The following FBXL7 variants were observed in gnomAD, a reference collection of about 807,000 sequenced individuals.
FBXL7 encodes F-box and leucine rich repeat protein 7.
A neutral mutation model predicts 38.3 loss-of-function variants in FBXL7; 12 were observed. The observed-to-expected ratio is 0.31, with a 90% CI of 0.20 to 0.51. The LOEUF is 0.51. Among genes scored for constraint, FBXL7 ranks in the 20% least tolerant of loss-of-function variants. The probability of loss-of-function intolerance (pLI) is 0.98; values close to 1 mark genes in which losing one functional copy is unlikely to be tolerated. For synonymous variants in FBXL7, 297 were observed against 300.9 expected, an observed-to-expected ratio of 0.99 and a Z score of 0.13; for missense variants, 567 against 676.4, an observed-to-expected ratio of 0.84 and a Z score of 1.79.
chr5:15,787,624 G>A (rs1417844185), intron 2 of FBXL7, among the ~76,000 whole-genome samples: 1 of 152,186 alleles, frequency 6.6e-6, no homozygotes, highest in Non-Finnish European at 1.5e-5. Flanking sequence ...TCTGTTGTTA[G>A]CTTTAAATTA....
intron 1 of FBXL7, among the ~76,000 whole-genome samples, chr5:15,606,404 C>G (rs1740020110): frequency 2.6e-5 from 4 of 152,000 alleles, no homozygotes; most frequent in Admixed American, 2.6e-4. Context: ...ATTCTCCGCT[C>G]TATGTGTAGG....
chr5:15,769,512 A>T (rs1394838682), intron 2 of FBXL7, among the ~76,000 whole-genome samples: 1 of 152,250 alleles, frequency 6.6e-6, no homozygotes, highest in Non-Finnish European at 1.5e-5. Context: ...TGTTAAAGCA[A>T]ATCAGCAAGA....
At chr5:15,728,770 C>T (rs1458946686) in intron 2 of FBXL7, among the ~76,000 whole-genome samples, 1 of 152,100 alleles carries the variant, frequency 6.6e-6, no homozygotes, top group Non-Finnish European at 1.5e-5. Context: ...ATAATATGTC[C>T]TTGAACTACT....
intron 1 of FBXL7, among the ~76,000 whole-genome samples, chr5:15,521,198 C>T (rs552671394): frequency 9.2e-5 from 14 of 152,168 alleles, no homozygotes; most frequent in South Asian, 2.1e-4. Context: ...CAAGAGTTGT[C>T]GGGGGGTGAA....
intron 1 of FBXL7, among the ~76,000 whole-genome samples, chr5:15,585,374 A>G (rs1348722365): frequency 6.6e-6 from 1 of 152,250 alleles, no homozygotes; most frequent in Non-Finnish European, 1.5e-5. Context: ...AATAAGAGTC[A>G]TGTTTGTTCC....
intron 2 of FBXL7, among the ~76,000 whole-genome samples, chr5:15,742,363 TTGAC>T (rs1241048611): frequency 6.6e-6 from 1 of 152,176 alleles, no homozygotes; most frequent in Non-Finnish European, 1.5e-5. Context: ...ATTAGGGAAT[TTGAC>T]TGATGAAATA....
chr5:15,912,836 G>T (rs1741474018), intron 2 of FBXL7, among the ~76,000 whole-genome samples: 1 of 152,046 alleles, frequency 6.6e-6, no homozygotes, highest in African/African-American at 2.4e-5. Context: ...CTAGAAAGGG[G>T]CTCTGGGGTC....
intron 2 of FBXL7, among the ~76,000 whole-genome samples, chr5:15,792,761 C>A (rs1396954437): frequency 6.6e-6 from 1 of 152,158 alleles, no homozygotes; most frequent in Non-Finnish European, 1.5e-5. Flanking sequence ...TGAGACTGTC[C>A]TTGGTGCCTG....
intron 1 of FBXL7, among the ~76,000 whole-genome samples, chr5:15,514,972 G>C (rs890845232): frequency 6.6e-6 from 1 of 152,162 alleles, no homozygotes; most frequent in African/African-American, 2.4e-5. Flanking sequence ...CCTTCTCTCT[G>C]TCCAGTTTGC....
chr5:15,539,287 T>G (rs769557986), intron 1 of FBXL7, among the ~76,000 whole-genome samples: 11 of 152,182 alleles, frequency 7.2e-5, no homozygotes, highest in Non-Finnish European at 1.6e-4. Context: ...GGATTCATAG[T>G]TAAATGGCAC....
chr5:15,677,897 A>G (rs952567668), intron 2 of FBXL7, among the ~76,000 whole-genome samples: 2 of 152,122 alleles, frequency 1.3e-5, no homozygotes, highest in Non-Finnish European at 2.9e-5. Flanking sequence ...CTATAGCTTC[A>G]TGTCCTAAAA....
chr5:15,849,741 T>A (rs1739035995), intron 2 of FBXL7, among the ~76,000 whole-genome samples: 2 of 152,300 alleles, frequency 1.3e-5, no homozygotes, highest in African/African-American at 4.8e-5. Flanking sequence ...AAATGCAAAT[T>A]TTCATGTTTG....
In FBXL7 at chr5:15,841,811, G is replaced by T. The variant is rs1738753061; in HGVS notation, c.128-86079G>T. The stretch of plus-strand genomic sequence containing the variant: ...AGGAGGCAAGCCCCAAGCCTTTGCA[G>T]CTTCCACATGGTGTTGGTCCTGCAG... On this transcript the variant is annotated intron_variant, in intron 2 of 3. Transcript: ENST00000504595. 2.6e-5 allele frequency among the ~76,000 whole-genome samples: 4 copies of T among 152,206 alleles called. No individual in the cohort carries two copies. The South Asian group carries it at 8.3e-4, about 31-fold the overall frequency.
At chr5:15,764,913 A>G (rs1322108597) in intron 2 of FBXL7, among the ~76,000 whole-genome samples, 1 of 152,276 alleles carries the variant, frequency 6.6e-6, no homozygotes, top group Non-Finnish European at 1.5e-5. Flanking sequence ...GCCAAGAGGC[A>G]AATTGCAAAT....
chr5:15,777,718 G>C (rs1255998829), intron 2 of FBXL7, among the ~76,000 whole-genome samples: 1 of 67,224 alleles, frequency 1.5e-5, no homozygotes, highest in Admixed American at 1.7e-4. Flanking sequence ...CCCCTATTCT[G>C]GTAAAAAAAA....
At chr5:15,560,726 A>ATGT (rs1561027946) in intron 1 of FBXL7, among the ~76,000 whole-genome samples, 6 of 152,136 alleles carry the variant, frequency 3.9e-5, no homozygotes, top group African/African-American at 1.2e-4. Context: ...CTGCAATTTC[A>ATGT]TATTACCAGT....
chr5:15,842,051 A>T (rs1177670556), intron 2 of FBXL7, among the ~76,000 whole-genome samples: 2 of 152,126 alleles, frequency 1.3e-5, no homozygotes, highest in Non-Finnish European at 2.9e-5. Context: ...TAAGAGGGAA[A>T]CCATCCTCCA....
chr5:15,550,770 C>G lies in FBXL7; in HGVS notation c.37+50057C>G, dbSNP rs16903916. On this transcript the variant is annotated intron_variant, in intron 1 of 3. Coordinates refer to ENST00000504595, the MANE Select transcript of FBXL7 (RefSeq NM_012304.5). The stretch of plus-strand genomic sequence containing the variant: ...AACTCTTGGCTGAAAATGCCTTGCT[C>G]ATTCCGGGACTGCCCAAAGGTAATG... Among the ~76,000 whole-genome samples the G allele has an allele frequency of 4.4e-3, 671 of 152,370 alleles. 4 individuals are homozygous for G. The highest frequency in any genetic ancestry group is 0.015 in the African/African-American group (625 of 41,602).
chr5:15,889,445 C>G (rs1489021484), intron 2 of FBXL7, among the ~76,000 whole-genome samples: 1 of 152,142 alleles, frequency 6.6e-6, no homozygotes, highest in Admixed American at 6.5e-5. Flanking sequence ...CCTATTGAAC[C>G]AAAGTGGGAG....
Sources: allele counts gnomAD v4.1 joint callset (sites outside exome capture counted in the v4.1 genomes callset), GRCh38; gene constraint gnomAD v4.1.1; transcripts MANE v1.5; gene names NCBI Gene and HGNC (gene_info 2026-07-23, HGNC 2026-07-21).